Variants in STK32B observed in about 807,000 individuals in gnomAD.
STK32B encodes serine/threonine kinase 32B.
Under a neutral mutation model 52.6 loss-of-function variants are expected in STK32B, and 43 were observed. The observed-to-expected ratio is 0.82, with a 90% CI of 0.64 to 1.05. The LOEUF (loss-of-function observed/expected upper bound fraction) is 1.05. STK32B is among the 50% of genes least tolerant of loss of function. The pLI is 0.00. For synonymous variants in STK32B, 238 were observed against 204.3 expected, an observed-to-expected ratio of 1.17 and a Z score of -1.41; for missense variants, 621 against 534.6, an observed-to-expected ratio of 1.16 and a Z score of -1.59.
intron 3 of STK32B, among the ~76,000 whole-genome samples, chr4:5,278,672 A>G (rs1018031175): frequency 3.3e-5 from 5 of 152,172 alleles, no homozygotes; most frequent in Non-Finnish European, 7.3e-5. Flanking sequence ...GAGTTATGGT[A>G]TTAGTCCCTT....
chr4:5,073,157 G>T (rs1711878540), intron 1 of STK32B, among the ~76,000 whole-genome samples: 1 of 151,946 alleles, frequency 6.6e-6, no homozygotes, highest in Admixed American at 6.6e-5. Flanking sequence ...TATTTAATAT[G>T]ATTATTGATG....
At position 5,351,560 on chromosome 4, in the gene STK32B, AAAG is replaced by A. The variant is rs796763724; in HGVS notation, c.434+20173_434+20175del. On this transcript the variant is annotated intron_variant, in intron 4 of 11. Transcript: ENST00000282908. ...AATGATTTACCTCAAGGAATTAGAAAAAGAAGAACAAACCAAATTCAAAATTAA... is the reference window on the plus strand; with the variant it reads ...AATGATTTACCTCAAGGAATTAGAAAAAGAACAAACCAAATTCAAAATTAA... Among the ~76,000 whole-genome samples the A allele has an allele frequency of 7.0e-3, 1,068 of 152,196 alleles. 8 individuals carry two copies. Among genetic ancestry groups the A allele is most frequent in the African/African-American group, 0.025 (1,019 of 41,566 alleles).
chr4:5,237,297 T>A (rs1560247671), intron 3 of STK32B, among the ~76,000 whole-genome samples: 1 of 152,138 alleles, frequency 6.6e-6, no homozygotes, highest in Non-Finnish European at 1.5e-5. Context: ...GGTGGGACAT[T>A]GTGATTGACA....
chr4:5,447,430 C>T (rs1396246106), intron 7 of STK32B: 1 of 151,912 alleles, frequency 6.6e-6, no homozygotes, highest in Non-Finnish European at 1.5e-5. Context: ...GAATTTGAGA[C>T]CAGCCTGGGA....
At chr4:5,451,101 G>A (rs1390196248) in intron 7 of STK32B, among the ~76,000 whole-genome samples, 1 of 152,156 alleles carries the variant, frequency 6.6e-6, no homozygotes, top group African/African-American at 2.4e-5. Context: ...ATGTAATCAG[G>A]GCATAGGCGG....
chr4:5,296,945 C>T (rs1338729224), intron 3 of STK32B, among the ~76,000 whole-genome samples: 2 of 152,138 alleles, frequency 1.3e-5, no homozygotes, highest in African/African-American at 2.4e-5. Flanking sequence ...TTAGTGCTTC[C>T]TTCAGGAGCT....
At chr4:5,050,899 A>G (rs1297249658), upstream of STK32B, among the ~76,000 whole-genome samples, 4 of 152,180 alleles carry the variant, frequency 2.6e-5, no homozygotes, top group East Asian at 7.7e-4. Flanking sequence ...CCCGAGACTC[A>G]TGCCCAGCCA....
intron 4 of STK32B, among the ~76,000 whole-genome samples, chr4:5,343,180 A>G (rs186098112): frequency 7.0e-4 from 100 of 141,912 alleles, no homozygotes; most frequent in Non-Finnish European, 1.1e-3. Context: ...ATTCCCACCT[A>G]TGAGTGAGAA....
At chr4:5,268,341 C>T (rs373938295) in intron 3 of STK32B, among the ~76,000 whole-genome samples, 1 of 152,266 alleles carries the variant, frequency 6.6e-6, no homozygotes, top group South Asian at 2.1e-4. Context: ...CTCAGGACTT[C>T]AGTGTTTGGA....
chr4:5,434,527 G>A (rs1243678322), intron 6 of STK32B, among the ~76,000 whole-genome samples: 1 of 151,678 alleles, frequency 6.6e-6, no homozygotes, highest in Admixed American at 6.6e-5. Context: ...GAAAATGTAT[G>A]GCCTTTGAAG....
intron 3 of STK32B, among the ~76,000 whole-genome samples, chr4:5,327,602 A>G (rs1423952152): frequency 6.6e-6 from 1 of 152,018 alleles, no homozygotes; most frequent in Non-Finnish European, 1.5e-5. Context: ...GGTCTAAAAT[A>G]TTTGGTAAAT....
intron 2 of STK32B, among the ~76,000 whole-genome samples, chr4:5,159,950 A>C (rs1718308105): frequency 6.6e-6 from 1 of 151,626 alleles, no homozygotes; most frequent in Admixed American, 6.6e-5. Context: ...TGCCGCAGAA[A>C]CCCTTCCTCT....
At chr4:5,251,634 A>G (rs1284876846) in intron 3 of STK32B, among the ~76,000 whole-genome samples, 1 of 152,286 alleles carries the variant, frequency 6.6e-6, no homozygotes, top group South Asian at 2.1e-4. Context: ...GTAGTTTGAT[A>G]GGAATAGCTT....
chr4:5,357,139 C>CTT (rs1734244205), intron 4 of STK32B, among the ~76,000 whole-genome samples: 1 of 151,884 alleles, frequency 6.6e-6, no homozygotes, highest in Admixed American at 6.6e-5. Flanking sequence ...TGAGTGAAGG[C>CTT]TTGAGGCCCC....
At position 5,500,309 on chromosome 4, in the gene STK32B, G is replaced by GGAGT. The variant is rs1245367853; in HGVS notation, c.*1227_*1230dup. On this transcript the variant is annotated 3_prime_UTR_variant, in exon 12 of 12. Coordinates refer to ENST00000282908, the MANE Select transcript of STK32B (RefSeq NM_018401.3). The stretch of plus-strand genomic sequence containing the variant: ...GGGATAATAAAACTAATATTGCAGG[G>GGAGT]GAGTTACAGGGTTAAATAAGATCCT... 6.6e-6 allele frequency: 1 copy of GGAGT among 152,144 alleles called. No individual in the cohort carries two copies. The allele number at this position is 152,144 out of a possible 1,614,324, so 9.4% of individuals were successfully genotyped here. A position where few individuals can be genotyped will look rare whatever the true frequency, so the allele number is the denominator to read the frequency against.
chr4:5,125,341 G>C (rs944722568), intron 1 of STK32B, among the ~76,000 whole-genome samples: 5 of 152,220 alleles, frequency 3.3e-5, no homozygotes, highest in African/African-American at 9.6e-5. Flanking sequence ...TTGTAGCATA[G>C]AAAACTAATA....
intron 6 of STK32B, among the ~76,000 whole-genome samples, chr4:5,440,852 A>G (rs1424807987): frequency 6.6e-5 from 10 of 151,954 alleles, no homozygotes; most frequent in South Asian, 4.2e-4. Flanking sequence ...TTCTGCATCT[A>G]TTGAGATAAT....
intron 7 of STK32B, among the ~76,000 whole-genome samples, chr4:5,452,336 C>T (rs1716083366): frequency 6.6e-6 from 1 of 151,932 alleles, no homozygotes; most frequent in Middle Eastern, 3.2e-3. Context: ...CTGAGTACCG[C>T]TGGATGTACA....
At chr4:5,330,666 C>G (rs369892488) in intron 3 of STK32B, among the ~76,000 whole-genome samples, 34 of 152,298 alleles carry the variant, frequency 2.2e-4, no homozygotes, top group African/African-American at 7.9e-4. Flanking sequence ...CTTCTCTTGG[C>G]CTCTCCATGT....
Sources: allele counts gnomAD v4.1 joint callset (sites outside exome capture counted in the v4.1 genomes callset), GRCh38; gene constraint gnomAD v4.1.1; transcripts MANE v1.5; gene names NCBI Gene and HGNC (gene_info 2026-07-23, HGNC 2026-07-21).